Variants in REPS2 observed in about 807,000 individuals in gnomAD.
The protein encoded by REPS2 is ralBP1-associated Eps domain-containing protein 2.
In REPS2, 23 loss-of-function variants were observed where a neutral mutation model predicts 53.6. The observed-to-expected ratio is 0.43, with a 90% CI of 0.31 to 0.61. The LOEUF (loss-of-function observed/expected upper bound fraction) is 0.61. Ranked by LOEUF, REPS2 falls within the 20% of genes least tolerant of loss-of-function variation. The pLI, the probability that REPS2 is intolerant of heterozygous loss-of-function variation, is 0.11. For synonymous variants in REPS2, 238 were observed against 218.6 expected (o/e 1.09, Z -0.78); for missense variants, 446 against 534.9 (o/e 0.83, Z 1.64).
At chrX:17,047,516 C>G in intron 6 of REPS2, 34 bp downstream of exon 6, 2 of 1,188,857 alleles carry the variant, frequency 1.7e-6, no homozygotes, top group Non-Finnish European at 2.3e-6. Context: ...ATCACTCTCA[C>G]CAGAACATAG....
At position 17,102,068 on chromosome X, in the gene REPS2, G is replaced by T. The variant is rs866623343; in HGVS notation, c.1517-1650G>T. 6.0e-3 allele frequency among the ~76,000 whole-genome samples: 547 copies of T among 90,924 alleles called. 4 individuals are homozygous for T. Among genetic ancestry groups the T allele is most frequent in the African/African-American group, 0.021 (500 of 23,436 alleles). The allele number at this position is 90,924 out of a possible 115,157, so 79.0% of individuals were successfully genotyped here. ...GTTATGTTATGTTATGTTATGTTAT[G>T]TTATGTTATGTTATTTTATTTTATT... is the stretch of plus-strand genomic sequence containing the variant. On this transcript the variant is annotated intron_variant, in intron 13 of 17. Coordinates refer to ENST00000357277, the MANE Select transcript of REPS2 (RefSeq NM_004726.3).
At chrX:17,131,793 C>T (rs1243616641) in intron 14 of REPS2, among the ~76,000 whole-genome samples, 1 of 110,608 alleles carries the variant, frequency 9.0e-6, no homozygotes, top group Non-Finnish European at 1.9e-5. Context: ...CCTTGCCAAT[C>T]TTGGTGAGTT....
the REPS2 span, among the ~76,000 whole-genome samples, chrX:17,162,700 T>C: frequency 8.9e-6 from 1 of 112,720 alleles, no homozygotes; most frequent in African/African-American, 3.2e-5. Flanking sequence ...TGTCCTAACA[T>C]GCACAGAGAA....
Position 17,150,437 on chromosome X carries a change from G to A in REPS2, c.*2956G>A, listed in dbSNP as rs1416001637. On this transcript the variant is annotated 3_prime_UTR_variant, in exon 18 of 18. Transcript: ENST00000357277. ...TGACAGCTGGCTTATTTGGTCCCTC[G>A]GCATCTCTCGTATGTGGCATATTGC... 1 of 112,437 alleles carries A rather than the reference G, an allele frequency of 8.9e-6. No individual in the cohort carries two copies. The highest frequency in any genetic ancestry group is 2.8e-4 in the East Asian group (1 of 3,594). 9.3% of individuals were successfully genotyped at this position (112,437 alleles called of 1,213,427 possible).
At chrX:17,139,769 C>T (rs889132214) in intron 17 of REPS2, among the ~76,000 whole-genome samples, 4 of 111,101 alleles carry the variant, frequency 3.6e-5, no homozygotes, top group African/African-American at 1.3e-4. Flanking sequence ...CCTCTGTTGT[C>T]ACATGGCCTT....
chrX:17,184,675 C>T, the REPS2 span, among the ~76,000 whole-genome samples: 12 of 110,391 alleles, frequency 1.1e-4, no homozygotes, highest in African/African-American at 2.6e-4. Flanking sequence ...TTTCTCCACA[C>T]CCTCTCCAGC....
At chrX:17,024,302 CA>C (rs1165886571) in intron 3 of REPS2, among the ~76,000 whole-genome samples, 5 of 96,366 alleles carry the variant, frequency 5.2e-5, no homozygotes, top group African/African-American at 1.9e-4. Flanking sequence ...AACAAACAAA[CA>C]AAAAAAAGCA....
chrX:17,195,444 A>T, the REPS2 span, among the ~76,000 whole-genome samples: 1 of 112,071 alleles, frequency 8.9e-6, no homozygotes. Context: ...TAATGGTAAA[A>T]TGTTGAGCAC....
At chrX:17,097,303 C>CG (rs1297543549) in intron 13 of REPS2, among the ~76,000 whole-genome samples, 2 of 111,925 alleles carry the variant, frequency 1.8e-5, no homozygotes, top group Non-Finnish European at 3.8e-5. Context: ...ATCAAATAAA[C>CG]TAAGTTTGCT....
At chrX:17,135,157 G>A in intron 15 of REPS2, 104 bp from the exon 16 acceptor site, 2 of 854,652 alleles carry the variant, frequency 2.3e-6, no homozygotes, top group South Asian at 5.1e-5. Context: ...GTACCCTCCT[G>A]ATCTTGGGGT....
intron 1 of REPS2, among the ~76,000 whole-genome samples, chrX:16,973,267 AG>A (rs1312607467): frequency 8.9e-6 from 1 of 111,909 alleles, no homozygotes; most frequent in Non-Finnish European, 1.9e-5. Flanking sequence ...TGCTGTCTGC[AG>A]GGTTTCTCTA....
chrX:17,022,055 T>G, intron 2 of REPS2, 68 bp from the exon 3 acceptor site: 10 of 1,000,981 alleles, frequency 1.0e-5, no homozygotes, highest in Non-Finnish European at 1.4e-5. Context: ...GTTTGGCCAT[T>G]GAGTTCCCCT....
intron 17 of REPS2, among the ~76,000 whole-genome samples, chrX:17,141,410 A>G (rs183730651): frequency 4.5e-5 from 5 of 112,245 alleles, no homozygotes; most frequent in Non-Finnish European, 9.4e-5. Context: ...CATTGGGTGA[A>G]TATGTTACAG....
chrX:17,067,391 C>T (rs1370671319), intron 9 of REPS2, among the ~76,000 whole-genome samples: 1 of 112,081 alleles, frequency 8.9e-6, no homozygotes, highest in African/African-American at 3.2e-5. Context: ...ATACCTGTCA[C>T]CTCTCACATA....
At chrX:17,111,343 A>G (rs532805289) in intron 14 of REPS2, among the ~76,000 whole-genome samples, 1 of 112,412 alleles carries the variant, frequency 8.9e-6, no homozygotes, top group South Asian at 3.6e-4. Context: ...AAAGGTATAT[A>G]CAACATCCTA....
chrX:17,012,760 G>T (rs2061445368), intron 2 of REPS2, among the ~76,000 whole-genome samples: 1 of 111,904 alleles, frequency 8.9e-6, no homozygotes, highest in African/African-American at 3.2e-5. Flanking sequence ...TCAAATCTAA[G>T]ATTGGGTTTT....
intron 14 of REPS2, among the ~76,000 whole-genome samples, chrX:17,113,475 T>A (rs1447493085): frequency 9.0e-6 from 1 of 110,753 alleles, no homozygotes; most frequent in Non-Finnish European, 1.9e-5. Flanking sequence ...GGCAGTACCT[T>A]TTACTGTATG....
intron 5 of REPS2, among the ~76,000 whole-genome samples, chrX:17,041,832 C>G (rs2061833596): frequency 1.8e-5 from 2 of 112,238 alleles, no homozygotes; most frequent in African/African-American, 6.5e-5. Flanking sequence ...TAAGTTCTCT[C>G]CAACAATGCT....
intron 1 of REPS2, among the ~76,000 whole-genome samples, chrX:16,989,746 C>T: frequency 8.9e-6 from 1 of 112,093 alleles, no homozygotes; most frequent in East Asian, 2.8e-4. Context: ...TCACTACATA[C>T]CTATAAGAAT....
Sources: allele counts gnomAD v4.1 joint callset (sites outside exome capture counted in the v4.1 genomes callset), GRCh38; gene constraint gnomAD v4.1.1; transcripts MANE v1.5; gene names NCBI Gene and HGNC (gene_info 2026-07-23, HGNC 2026-07-21).